Variants in NHS observed in about 807,000 individuals in gnomAD.
The protein encoded by NHS is NHS actin remodeling regulator.
Under a neutral mutation model 72.5 loss-of-function variants are expected in NHS, and 5 were observed. That is an observed-to-expected ratio of 0.07 (90% CI 0.04 to 0.14). The LOEUF (loss-of-function observed/expected upper bound fraction) is 0.14. Among genes scored for constraint, NHS ranks in the 10% least tolerant of loss-of-function variants. NHS has a pLI of 1.00. For synonymous variants in NHS, 464 were observed against 547.7 expected (o/e 0.85, Z 2.13); for missense variants, 1,072 against 1,355.7 (o/e 0.79, Z 3.29).
chrX:17,681,079 A>G (rs1034896889), intron 1 of NHS, among the ~76,000 whole-genome samples: 1 of 112,228 alleles, frequency 8.9e-6, no homozygotes, highest in Non-Finnish European at 1.9e-5. Context: ...CAGAGAGGTC[A>G]CAGGCTCCCC....
At chrX:17,542,535 G>A (rs1192719809) in intron 1 of NHS, among the ~76,000 whole-genome samples, 1 of 112,950 alleles carries the variant, frequency 8.9e-6, no homozygotes, top group Non-Finnish European at 1.9e-5. Context: ...ATTGAAGGGG[G>A]TTGGCCATTT....
At chrX:17,424,322 GATC>G (rs2146868745) in intron 1 of NHS, among the ~76,000 whole-genome samples, 1 of 112,305 alleles carries the variant, frequency 8.9e-6, no homozygotes, top group South Asian at 3.7e-4. Context: ...CATGTCTTCT[GATC>G]ATGTCTTTTA....
At chrX:17,452,674 A>G (rs927271651) in intron 1 of NHS, among the ~76,000 whole-genome samples, 2 of 111,591 alleles carry the variant, frequency 1.8e-5, no homozygotes, top group East Asian at 5.6e-4. Flanking sequence ...GATCTAGATC[A>G]TTTTAAAAAT....
At chrX:17,469,572 GC>G (rs1028491912) in intron 1 of NHS, among the ~76,000 whole-genome samples, 13 of 111,877 alleles carry the variant, frequency 1.2e-4, no homozygotes, top group African/African-American at 3.9e-4. Context: ...TTCAACCAGA[GC>G]AATGCCCCCT....
At position 17,474,761 on chromosome X, in the gene NHS, A is replaced by G. The variant is rs181886705; in HGVS notation, c.565+98439A>G. ...ATTCCCAGAGCAGGAAAAAGCTGTG[A>G]GCCCTCAGAAGCCAATAATCCCAGC... is the stretch of plus-strand genomic sequence containing the variant. On this transcript the variant is annotated intron_variant, in intron 1 of 8. Coordinates refer to ENST00000676302, the MANE Select transcript of NHS (RefSeq NM_001291867.2). 3.3e-4 allele frequency among the ~76,000 whole-genome samples: 37 copies of G among 111,741 alleles called. No homozygotes were observed. In the East Asian group the frequency reaches 7.6e-3, roughly 23 times the overall value.
At position 17,375,239 on chromosome X, in the gene NHS, A is replaced by G. The variant is rs1002885552; in HGVS notation, c.-519A>G. Among the ~76,000 whole-genome samples the G allele has an allele frequency of 9.0e-6, 1 of 111,660 alleles. No individual in the cohort carries two copies. The highest frequency in any genetic ancestry group is 3.3e-5 in the African/African-American group (1 of 30,708). On this transcript the variant is annotated 5_prime_UTR_variant, in exon 1 of 9. Transcript: ENST00000676302. Reference sequence around the variant, plus strand: ...AAACCTCCTCCCCGCCCAGCCAGGGAGAGAGATCCCGGGCGCAATCGCTCC... The same window carrying G: ...AAACCTCCTCCCCGCCCAGCCAGGGGGAGAGATCCCGGGCGCAATCGCTCC...
chrX:17,609,316 G>C (rs773528922), intron 1 of NHS, among the ~76,000 whole-genome samples: 4 of 112,208 alleles, frequency 3.6e-5, no homozygotes, highest in African/African-American at 9.7e-5. Flanking sequence ...TGGGGTATCA[G>C]AGAAGTTTGA....
At chrX:17,442,949 G>C (rs2064762824) in intron 1 of NHS, among the ~76,000 whole-genome samples, 1 of 111,916 alleles carries the variant, frequency 8.9e-6, no homozygotes, top group African/African-American at 3.3e-5. Context: ...GGCACAACCT[G>C]ATCTCAGCAG....
chrX:17,454,782 A>C (rs906630677), intron 1 of NHS, among the ~76,000 whole-genome samples: 1 of 112,196 alleles, frequency 8.9e-6, no homozygotes, highest in African/African-American at 3.2e-5. Flanking sequence ...ATCGTAAGGC[A>C]TCTACGGACT....
chrX:17,436,418 T>C (rs1349888535), intron 1 of NHS, among the ~76,000 whole-genome samples: 1 of 110,815 alleles, frequency 9.0e-6, no homozygotes, highest in Non-Finnish European at 1.9e-5. Flanking sequence ...GGGGGCCTCT[T>C]GGGCATGCAT....
intron 1 of NHS, among the ~76,000 whole-genome samples, chrX:17,557,919 A>G (rs924480083): frequency 8.9e-6 from 1 of 112,177 alleles, no homozygotes; most frequent in African/African-American, 3.2e-5. Flanking sequence ...ACAACCTGGC[A>G]GCCAGATTTA....
In NHS at chrX:17,691,375, G is replaced by T. The variant is rs1039721522; in HGVS notation, c.719-960G>T. ...AAGACATTTATCTTAAACAGCCTTCGGATAAACATTGACTTTGGAGGCAGT... is the reference window on the plus strand; with the variant it reads ...AAGACATTTATCTTAAACAGCCTTCTGATAAACATTGACTTTGGAGGCAGT... On this transcript the variant is annotated intron_variant, in intron 2 of 8. Coordinates refer to ENST00000676302, the MANE Select transcript of NHS (RefSeq NM_001291867.2). 9.5e-4 allele frequency among the ~76,000 whole-genome samples: 106 copies of T among 112,092 alleles called. No individual in the cohort carries two copies. The Middle Eastern group carries it at 0.014, about 15-fold the overall frequency.
chrX:17,542,710 A>AG (rs936812003), intron 1 of NHS, among the ~76,000 whole-genome samples: 4 of 110,267 alleles, frequency 3.6e-5, no homozygotes, highest in Non-Finnish European at 5.7e-5. Context: ...AGAGAGAGAG[A>AG]GAGAAATGGG....
At chrX:17,542,387 TC>T (rs1278121819) in intron 1 of NHS, among the ~76,000 whole-genome samples, 4 of 113,357 alleles carry the variant, frequency 3.5e-5, no homozygotes, top group Non-Finnish European at 7.5e-5. Context: ...GCTTATTCCT[TC>T]CTGGCATTGG....
chrX:17,385,088 A>G (rs2146841193), intron 1 of NHS, among the ~76,000 whole-genome samples: 1 of 112,383 alleles, frequency 8.9e-6, no homozygotes, highest in South Asian at 3.7e-4. Context: ...TGGAGAGCCC[A>G]CCCACCAGAC....
At chrX:17,512,498 A>G (rs2065094532) in intron 1 of NHS, among the ~76,000 whole-genome samples, 1 of 111,729 alleles carries the variant, frequency 9.0e-6, no homozygotes, top group Non-Finnish European at 1.9e-5. Flanking sequence ...AACACCAGAT[A>G]TGGATGGTTG....
chrX:17,506,526 G>C (rs1301780068), intron 1 of NHS, among the ~76,000 whole-genome samples: 1 of 93,563 alleles, frequency 1.1e-5, no homozygotes, highest in African/African-American at 4.4e-5. Flanking sequence ...GTGAGACTCT[G>C]TAATAAATAA....
At chrX:17,692,562 T>C in intron 3 of NHS, 94 bp downstream of exon 3, 2 of 1,094,293 alleles carry the variant, frequency 1.8e-6, no homozygotes, top group Non-Finnish European at 1.3e-6. Flanking sequence ...TGAGAGAGGC[T>C]GGGCTGGCTA....
At chrX:17,561,095 G>A (rs1388413441) in intron 1 of NHS, among the ~76,000 whole-genome samples, 1 of 112,545 alleles carries the variant, frequency 8.9e-6, no homozygotes, top group Non-Finnish European at 1.9e-5. Context: ...AGTGAGGCCT[G>A]GCTTGTAGGG....
Sources: allele counts gnomAD v4.1 joint callset (sites outside exome capture counted in the v4.1 genomes callset), GRCh38; gene constraint gnomAD v4.1.1; transcripts MANE v1.5; gene names NCBI Gene and HGNC (gene_info 2026-07-23, HGNC 2026-07-21).